KCTD21: variants seen among roughly 807,000 people sequenced by gnomAD.
KCTD21 encodes potassium channel tetramerization domain containing 21, also known as BTB/POZ domain-containing protein KCTD21.
KCTD21 carries 9 observed loss-of-function variants against 13.2 expected under a neutral mutation model. The ratio of observed to expected loss-of-function variants is 0.68; its 90% confidence interval spans 0.41 to 1.19. KCTD21 has a LOEUF of 1.19. Among genes scored for constraint, KCTD21 ranks in the 50% most tolerant of loss-of-function variants. KCTD21 has a pLI of 0.01. For synonymous variants in KCTD21, 142 were observed against 137.4 expected, an observed-to-expected ratio of 1.03 and a Z score of -0.23; for missense variants, 303 against 336.5, an observed-to-expected ratio of 0.90 and a Z score of 0.78.
rs1048865864 is a variant in KCTD21, at chr11:78,171,749, G to A, written c.*2023C>T. 1 of 152,216 alleles carries A rather than the reference G, an allele frequency of 6.6e-6. No homozygotes were observed. The highest frequency in any genetic ancestry group is 2.4e-5 in the African/African-American group (1 of 41,432). The allele number at this position is 152,216 out of a possible 1,614,324, so 9.4% of individuals were successfully genotyped here. A position where few individuals can be genotyped will look rare whatever the true frequency, so the allele number is the denominator to read the frequency against. ...GCCTCCCAAATAGCTGGGGTTATAG[G>A]CGCCTGTCACCACACCCAGCTAATT... On this transcript the variant is annotated 3_prime_UTR_variant, in exon 2 of 2. Transcript: ENST00000340067.
intron 1 of KCTD21, among the ~76,000 whole-genome samples, chr11:78,186,371 CAAAAAAAAAAAAAAAA>C (rs57748403): frequency 0.062 from 2,833 of 45,878 alleles, 160 homozygotes; most frequent in African/African-American, 0.23. Flanking sequence ...GACCCTGTCT[CAAAAAAAAAAAAAAAA>C]AAAAAAAAAA....
chr11:78,175,732 T>A (rs957186793), intron 1 of KCTD21, among the ~76,000 whole-genome samples: 1 of 152,176 alleles, frequency 6.6e-6, no homozygotes, highest in African/African-American at 2.4e-5. Flanking sequence ...TTTTTTTAAA[T>A]TTTTTTAAAT....
rs183563427 is a variant in KCTD21, at chr11:78,180,467, C to T, written c.-29-5884G>A. On this transcript the variant is annotated intron_variant, in intron 1 of 1. Transcript: ENST00000340067. ...CTTGAGGCCAGGAGTTCAAGAACAGCCTGGCCGACATGGTGAAACCCTATC... is the reference window on the plus strand; with the variant it reads ...CTTGAGGCCAGGAGTTCAAGAACAGTCTGGCCGACATGGTGAAACCCTATC... Among the ~76,000 whole-genome samples, 599 of 152,294 alleles carry T rather than the reference C, an allele frequency of 3.9e-3. 6 individuals carry two copies. The highest frequency in any genetic ancestry group is 0.013 in the African/African-American group (559 of 41,564).
intron 1 of KCTD21, chr11:78,177,069 A>C (rs1415491302): frequency 6.6e-6 from 1 of 152,284 alleles, no homozygotes; most frequent in East Asian, 1.9e-4. Context: ...ATGGAGAAAC[A>C]GAGGTCTGAG....
chr11:78,184,406 G>A (rs1034505940), intron 1 of KCTD21, among the ~76,000 whole-genome samples: 2 of 151,786 alleles, frequency 1.3e-5, no homozygotes, highest in African/African-American at 4.8e-5. Context: ...GCACAATCTC[G>A]GCTCACTGCA....
chr11:78,186,692 A>T, intron 1 of KCTD21: 2 of 985,408 alleles, frequency 2.0e-6, no homozygotes, highest in Non-Finnish European at 2.4e-6. Context: ...TTACAGACCA[A>T]CCATACTGGG....
intron 1 of KCTD21, among the ~76,000 whole-genome samples, chr11:78,185,699 C>A (rs1862745251): frequency 1.3e-5 from 2 of 152,032 alleles, no homozygotes; most frequent in Admixed American, 6.6e-5. Flanking sequence ...TCAAGTGATT[C>A]TCCTGCCTCA....
chr11:78,174,673 G>C, intron 1 of KCTD21, 90 bp from the exon 2 acceptor site: 3 of 899,688 alleles, frequency 3.3e-6, no homozygotes, highest in Non-Finnish European at 5.0e-6. Flanking sequence ...TCAAGCCTAT[G>C]CCCTTGGGAT....
chr11:78,187,505 G>A (rs2137011246), intron 1 of KCTD21: 1 of 985,362 alleles, frequency 1.0e-6, no homozygotes, highest in Non-Finnish European at 1.2e-6. Context: ...TCTTTCATCT[G>A]GCGTAGACCT....
chr11:78,176,090 AT>A (rs1565382950), intron 1 of KCTD21, among the ~76,000 whole-genome samples: 1 of 152,166 alleles, frequency 6.6e-6, no homozygotes, highest in Non-Finnish European at 1.5e-5. Context: ...GCTGCATAGT[AT>A]TCCATGGTGT....
At chr11:78,176,826 TCTA>T (rs1278535695) in intron 1 of KCTD21, 2 of 98,164 alleles carry the variant, frequency 2.0e-5, no homozygotes, top group Non-Finnish European at 2.3e-5. Context: ...AAATCCTGTC[TCTA>T]CAACAACAAC....
intron 1 of KCTD21, among the ~76,000 whole-genome samples, chr11:78,186,420 A>AGAGGCTGTGTGGGGTAGGG (rs1862774247): frequency 7.6e-6 from 1 of 130,944 alleles, no homozygotes; most frequent in East Asian, 2.5e-4. Context: ...AAAGAACTGG[A>AGAGGCTGTGTGGGGTAGGG]GAGGCTGTGT....
At chr11:78,179,298 G>A (rs1041180468) in intron 1 of KCTD21, among the ~76,000 whole-genome samples, 1 of 151,724 alleles carries the variant, frequency 6.6e-6, no homozygotes, top group Non-Finnish European at 1.5e-5. Flanking sequence ...GCCTCCCAAA[G>A]TGTGGGGATT....
In KCTD21 at chr11:78,171,588, T is replaced by C. The variant is rs1353896213; in HGVS notation, c.*2184A>G. On this transcript the variant is annotated 3_prime_UTR_variant, in exon 2 of 2. Transcript: ENST00000340067. The stretch of plus-strand genomic sequence containing the variant: ...CTTCTGCTACTTGGTCTAAACTAGG[T>C]TCTCCATGAGGGGCTCTCCCAAGTA... 4.6e-5 allele frequency: 7 copies of C among 152,526 alleles called. No individual in the cohort carries two copies. The East Asian group carries it at 9.6e-4, about 21-fold the overall frequency. The allele number at this position is 152,526 out of a possible 1,614,324, so 9.4% of individuals were successfully genotyped here. A position where few individuals can be genotyped will look rare whatever the true frequency, so the allele number is the denominator to read the frequency against.
intron 1 of KCTD21, chr11:78,186,772 A>G (rs1862787484): frequency 2.0e-6 from 2 of 985,470 alleles, no homozygotes; most frequent in South Asian, 4.7e-5. Context: ...AATCCCATGC[A>G]TCGGCCAGGT....
chr11:78,184,480 G>A (rs560912913), intron 1 of KCTD21, among the ~76,000 whole-genome samples: 1 of 151,932 alleles, frequency 6.6e-6, no homozygotes, highest in Non-Finnish European at 1.5e-5. Flanking sequence ...GGGAGTATAG[G>A]CACACACCAC....
chr11:78,182,450 G>A (rs111515792), intron 1 of KCTD21, among the ~76,000 whole-genome samples: 2,903 of 152,118 alleles, frequency 0.019, 102 homozygotes, highest in African/African-American at 0.066. Context: ...ACATCTTAGC[G>A]CAATGTATTA....
chr11:78,173,664 T>C lies in KCTD21; in HGVS notation c.*108A>G. The C allele has an allele frequency of 1.1e-6, 1 of 888,456 alleles. No individual in the cohort carries two copies. Among genetic ancestry groups the C allele is most frequent in the Non-Finnish European group, 1.7e-6 (1 of 571,748 alleles). 55.0% of individuals were successfully genotyped at this position (888,456 alleles called of 1,614,324 possible). A position where few individuals can be genotyped will look rare whatever the true frequency, so the allele number is the denominator to read the frequency against. On this transcript the variant is annotated 3_prime_UTR_variant, in exon 2 of 2. Coordinates refer to ENST00000340067, the MANE Select transcript of KCTD21 (RefSeq NM_001029859.3). ...GAATCAAGTCCTGCTACACAATTAA[T>C]ACAGATTAGTATAGTCCCCTGCCTC... is the stretch of plus-strand genomic sequence containing the variant.
At chr11:78,183,387 A>G (rs1162226486) in intron 1 of KCTD21, among the ~76,000 whole-genome samples, 1 of 151,744 alleles carries the variant, frequency 6.6e-6, no homozygotes, top group Non-Finnish European at 1.5e-5. Flanking sequence ...AATACAAAAA[A>G]TAGCTGGGCG....
Sources: allele counts gnomAD v4.1 joint callset (sites outside exome capture counted in the v4.1 genomes callset), GRCh38; gene constraint gnomAD v4.1.1; transcripts MANE v1.5; gene names NCBI Gene and HGNC (gene_info 2026-07-23, HGNC 2026-07-21).